MYO1E: variants seen among roughly 807,000 people sequenced by gnomAD.
MYO1E encodes myosin IE, also known as unconventional myosin-Ie.
In MYO1E, 68 loss-of-function variants were observed where a neutral mutation model predicts 151.1. That is an observed-to-expected ratio of 0.45 (90% CI 0.37 to 0.55). The LOEUF (loss-of-function observed/expected upper bound fraction) is 0.55, where lower values mean the gene tolerates loss of function less well. Among genes scored for constraint, MYO1E ranks in the 20% least tolerant of loss-of-function variants. MYO1E has a pLI of 0.00. For synonymous variants in MYO1E, 601 were observed against 501.7 expected (o/e 1.20, Z -2.64); for missense variants, 1,363 against 1,389.3 (o/e 0.98, Z 0.30).
chr15:59,356,554 A>G (rs1407612005), intron 1 of MYO1E, among the ~76,000 whole-genome samples: 1 of 152,230 alleles, frequency 6.6e-6, no homozygotes, highest in African/African-American at 2.4e-5. Flanking sequence ...ATACTGATGC[A>G]TAACAAAAAG....
intron 3 of MYO1E, among the ~76,000 whole-genome samples, chr15:59,260,075 T>G (rs1412190340): frequency 6.6e-6 from 1 of 152,242 alleles, no homozygotes; most frequent in Non-Finnish European, 1.5e-5. Context: ...ATTGAGCATA[T>G]TTTTTAGAAA....
At chr15:59,305,311 G>A (rs1238051751) in intron 1 of MYO1E, among the ~76,000 whole-genome samples, 2 of 152,078 alleles carry the variant, frequency 1.3e-5, no homozygotes, top group South Asian at 2.1e-4. Flanking sequence ...CTCCCACCTC[G>A]GCCTTCTGAG....
intron 22 of MYO1E, among the ~76,000 whole-genome samples, chr15:59,169,266 T>C (rs1253300848): frequency 2.6e-5 from 4 of 152,222 alleles, no homozygotes; most frequent in African/African-American, 4.8e-5. Context: ...TAAAAACACA[T>C]ACAGATGTTG....
intron 5 of MYO1E, among the ~76,000 whole-genome samples, chr15:59,233,225 G>A (rs2080039110): frequency 2.6e-5 from 4 of 151,972 alleles, no homozygotes; most frequent in Admixed American, 2.6e-4. Context: ...TTAAATTACA[G>A]TGTTTAAAAT....
chr15:59,295,606 G>C (rs369055430), intron 1 of MYO1E, among the ~76,000 whole-genome samples: 12 of 152,278 alleles, frequency 7.9e-5, no homozygotes, highest in African/African-American at 1.4e-4. Flanking sequence ...CATCCAGCGA[G>C]AGAAAATAAT....
rs76957032 is a variant in MYO1E, at chr15:59,254,284, C to T, written c.332+2000G>A. On this transcript the variant is annotated intron_variant, in intron 4 of 27. Transcript: ENST00000288235. ...CTCACTGTAATCTCAAACTCCTGAG[C>T]TCAAGCGATCTCCCTGCCTCAGCCT... Among the ~76,000 whole-genome samples the T allele has an allele frequency of 6.5e-3, 988 of 152,132 alleles. 10 individuals carry two copies. The highest frequency in any genetic ancestry group is 0.022 in the African/African-American group (927 of 41,480).
At chr15:59,237,789 A>G (rs181264995) in intron 4 of MYO1E, among the ~76,000 whole-genome samples, 1 of 152,380 alleles carries the variant, frequency 6.6e-6, no homozygotes, top group East Asian at 1.9e-4. Context: ...TGACACTCCT[A>G]TTCCCAAAAG....
At chr15:59,157,702 CCTTT>C (rs1263526786) in intron 25 of MYO1E, among the ~76,000 whole-genome samples, 12 of 151,128 alleles carry the variant, frequency 7.9e-5, no homozygotes. Flanking sequence ...GAAAGCGCTT[CCTTT>C]AAGTAAATTC....
At chr15:59,313,827 G>A (rs760754584) in intron 1 of MYO1E, among the ~76,000 whole-genome samples, 15 of 152,226 alleles carry the variant, frequency 9.9e-5, no homozygotes, top group Non-Finnish European at 1.8e-4. Flanking sequence ...CTAAAAGTAG[G>A]AACCAAGGAT....
At chr15:59,246,840 T>A (rs1442321860) in intron 4 of MYO1E, among the ~76,000 whole-genome samples, 2 of 152,160 alleles carry the variant, frequency 1.3e-5, no homozygotes, top group African/African-American at 4.8e-5. Context: ...TGGTAAGAAA[T>A]CAAAGCTAAT....
At chr15:59,209,814 CCTTTTTT>C (rs1446084135) in intron 13 of MYO1E, among the ~76,000 whole-genome samples, 2 of 99,462 alleles carry the variant, frequency 2.0e-5, no homozygotes, top group African/African-American at 4.7e-5. Flanking sequence ...TTTTGAATCA[CCTTTTTT>C]TTTTTTTTTT....
rs570258298 is a variant in MYO1E at position 59,137,958 on chromosome 15, C to T, written c.3250+240G>A. Among the ~76,000 whole-genome samples the T allele has an allele frequency of 8.5e-5, 13 of 152,250 alleles. No homozygotes were observed. The East Asian group carries it at 1.9e-3, about 23-fold the overall frequency. ...TATGTTGGCCTGGAATTGCTGCTGCCGTTTTGCTACCATGAAGAAAAACAG... is the reference window on the plus strand; with the variant it reads ...TATGTTGGCCTGGAATTGCTGCTGCTGTTTTGCTACCATGAAGAAAAACAG... On this transcript the variant is annotated intron_variant, in intron 27 of 27. Coordinates refer to ENST00000288235, the MANE Select transcript of MYO1E (RefSeq NM_004998.4).
Position 59,272,421 on chromosome 15 carries a change from C to T in MYO1E, c.32G>A (p.Trp11Ter). MGSKGVYQYHWQSHNVKHSGV... is the reference protein window; with the variant it reads MGSKGVYQYH ...ACTGTGCTTGACATTGTGGCTTTGC[C>T]AGTGGTACTGGTAGACACCTTTGCT... Residue 11 changes from tryptophan to a stop codon, truncating the protein, a stop_gained, in exon 2 of 28, where the codon TGG becomes TAG. Coordinates refer to ENST00000288235, the MANE Select transcript of MYO1E (RefSeq NM_004998.4). LOFTEE classifies it high-confidence loss of function. 1 of 1,614,178 alleles carries T rather than the reference C, an allele frequency of 6.2e-7. No individual in the cohort carries two copies. Among genetic ancestry groups the T allele is most frequent in the Non-Finnish European group, 8.5e-7 (1 of 1,180,010 alleles).
chr15:59,275,814 C>A (rs1244244435), intron 1 of MYO1E, among the ~76,000 whole-genome samples: 1 of 152,198 alleles, frequency 6.6e-6, no homozygotes, highest in Non-Finnish European at 1.5e-5. Context: ...CATGGATGTG[C>A]AGACCCTCAG....
rs539096939 is a variant in MYO1E at position 59,290,218 on chromosome 15, A to G, written c.4-17769T>C. Among the ~76,000 whole-genome samples the G allele has an allele frequency of 2.6e-5, 4 of 152,354 alleles. No homozygotes were observed. In the South Asian group the frequency reaches 8.3e-4, roughly 32 times the overall value. On this transcript the variant is annotated intron_variant, in intron 1 of 27. Coordinates refer to ENST00000288235, the MANE Select transcript of MYO1E (RefSeq NM_004998.4). The stretch of plus-strand genomic sequence containing the variant: ...TGGCAGCTTCTATTAAGGCTACGGT[A>G]GAAGACAGAAGAAATGGATTCCCCA...
At chr15:59,295,511 C>A (rs1412415110) in intron 1 of MYO1E, among the ~76,000 whole-genome samples, 2 of 152,224 alleles carry the variant, frequency 1.3e-5, no homozygotes, top group East Asian at 1.9e-4. Context: ...AAGATGGAAT[C>A]TCCATCAGAG....
At chr15:59,201,793 A>T (rs2079803738) in intron 16 of MYO1E, among the ~76,000 whole-genome samples, 1 of 152,212 alleles carries the variant, frequency 6.6e-6, no homozygotes. Context: ...CTTCCTGAGA[A>T]ACACTGTAAG....
chr15:59,189,819 C>T (rs1429247321), intron 17 of MYO1E, among the ~76,000 whole-genome samples: 3 of 152,184 alleles, frequency 2.0e-5, no homozygotes, highest in African/African-American at 7.2e-5. Context: ...TCAGGTGATC[C>T]ACCACGCCTG....
At chr15:59,221,403 A>C (rs1381615479) in intron 9 of MYO1E, among the ~76,000 whole-genome samples, 1 of 152,176 alleles carries the variant, frequency 6.6e-6, no homozygotes, top group Non-Finnish European at 1.5e-5. Flanking sequence ...GGTTGTGTGT[A>C]GTTGTTTTGG....
Sources: gnomAD v4.1 joint callset for allele counts (sites outside exome capture counted in the v4.1 genomes callset) on GRCh38, gnomAD v4.1.1 for gene constraint, MANE v1.5 for transcripts, NCBI Gene and HGNC (gene_info 2026-07-23, HGNC 2026-07-21) for gene names.